DDAH1: variants seen among roughly 807,000 people sequenced by gnomAD.
DDAH1 encodes dimethylarginine dimethylaminohydrolase 1.
Under a neutral mutation model 28.8 loss-of-function variants are expected in DDAH1, and 19 were observed. That is an observed-to-expected ratio of 0.66 (90% CI 0.46 to 0.97). The LOEUF (loss-of-function observed/expected upper bound fraction) is 0.97. Ranked by LOEUF, DDAH1 falls within the 50% of genes least tolerant of loss-of-function variation. DDAH1 has a pLI of 0.00. For synonymous variants in DDAH1, 153 were observed against 154.4 expected (o/e 0.99, Z 0.07); for missense variants, 326 against 375.9 (o/e 0.87, Z 1.10).
At chr1:85,484,953 C>T (rs932995142) in intron 2 of DDAH1, among the ~76,000 whole-genome samples, 6 of 152,194 alleles carry the variant, frequency 3.9e-5, no homozygotes, top group African/African-American at 1.4e-4. Context: ...ATTTCATCAA[C>T]TGCTTTCACA....
intron 1 of DDAH1, among the ~76,000 whole-genome samples, chr1:85,528,200 A>G (rs1256266351): frequency 6.7e-6 from 1 of 150,294 alleles, no homozygotes; most frequent in East Asian, 2.0e-4. Context: ...ATATGTGTAT[A>G]TGCATGTATA....
At chr1:85,362,407 A>C (rs7520993) in intron 1 of DDAH1, among the ~76,000 whole-genome samples, 19,459 of 152,110 alleles carry the variant, frequency 0.13, 1,328 homozygotes, top group East Asian at 0.24. Context: ...TAAGGGACCC[A>C]ATCAGTCTAA....
rs747414243 is a variant in DDAH1, at chr1:85,530,898, G to A, written c.-122-34617C>T. Reference sequence around the variant, plus strand: ...CCCAGCTACTTGGGAGGCTGAGCCAGGAGAATCACTTGAACCTGGGAGGTG... The same window carrying A: ...CCCAGCTACTTGGGAGGCTGAGCCAAGAGAATCACTTGAACCTGGGAGGTG... On this transcript the variant is annotated intron_variant, in intron 1 of 6. Transcript: ENST00000426972. 1.3e-4 allele frequency among the ~76,000 whole-genome samples: 19 copies of A among 150,160 alleles called. No homozygotes were observed. The South Asian group carries it at 1.5e-3, about 12-fold the overall frequency.
chr1:85,340,121 C>G (rs1557484978), intron 4 of DDAH1, among the ~76,000 whole-genome samples: 1 of 152,160 alleles, frequency 6.6e-6, no homozygotes, highest in Non-Finnish European at 1.5e-5. Flanking sequence ...GGGTAAAGGA[C>G]AGAGACTCCA....
chr1:85,341,870 T>C (rs770366422), intron 4 of DDAH1, among the ~76,000 whole-genome samples: 21 of 152,072 alleles, frequency 1.4e-4, no homozygotes, highest in Non-Finnish European at 2.6e-4. Context: ...GTTCCATCAC[T>C]TACAGGCACT....
At chr1:85,577,052 C>T (rs1279223566) in intron 1 of DDAH1, among the ~76,000 whole-genome samples, 2 of 152,116 alleles carry the variant, frequency 1.3e-5, no homozygotes, top group Admixed American at 1.3e-4. Flanking sequence ...CTGGAAACGT[C>T]CTGCGCCGCG....
chr1:85,320,194 T>C lies in DDAH1; in HGVS notation c.*1258A>G, dbSNP rs1661265642. The C allele has an allele frequency of 1.3e-5, 2 of 152,646 alleles. No homozygotes were observed. The highest frequency in any genetic ancestry group is 6.5e-5 in the Admixed American group (1 of 15,284). 9.5% of individuals were successfully genotyped at this position (152,646 alleles called of 1,614,324 possible). A position where few individuals can be genotyped will look rare whatever the true frequency, so the allele number is the denominator to read the frequency against. On this transcript the variant is annotated 3_prime_UTR_variant, in exon 6 of 6. Transcript: ENST00000284031. ...GTGCCGCATTGTTCTTTGTAAGAGA[T>C]CCGTGTCAGTTCAAAGTTGTGTAAT... is the stretch of plus-strand genomic sequence containing the variant.
intron 1 of DDAH1, chr1:85,398,534 C>T (rs532688919): frequency 6.6e-6 from 1 of 152,318 alleles, no homozygotes; most frequent in African/African-American, 2.4e-5. Context: ...AGCAAAAATG[C>T]TAAGCTGGAC....
intron 1 of DDAH1, among the ~76,000 whole-genome samples, chr1:85,359,335 G>T (rs1649663430): frequency 1.3e-5 from 2 of 152,132 alleles, no homozygotes; most frequent in Admixed American, 6.5e-5. Context: ...ACTAGTTAGG[G>T]CACATGAGTA....
chr1:85,534,455 C>T (rs556027034), intron 1 of DDAH1, among the ~76,000 whole-genome samples: 5 of 151,914 alleles, frequency 3.3e-5, no homozygotes, highest in Non-Finnish European at 7.4e-5. Flanking sequence ...TATATATATA[C>T]ACACACATAC....
At chr1:85,436,999 T>TG in intron 1 of DDAH1, among the ~76,000 whole-genome samples, 1 of 152,272 alleles carries the variant, frequency 6.6e-6, no homozygotes, top group African/African-American at 2.4e-5. Context: ...CCCTTGAATA[T>TG]GGGCCAGTTT....
intron 2 of DDAH1, among the ~76,000 whole-genome samples, chr1:85,480,017 C>T (rs1557677082): frequency 3.3e-5 from 5 of 152,200 alleles, no homozygotes; most frequent in Admixed American, 1.3e-4. Flanking sequence ...ATAGGAACAA[C>T]TATGAGCAAT....
At chr1:85,539,381 A>T (rs1157456336) in intron 1 of DDAH1, among the ~76,000 whole-genome samples, 1 of 152,216 alleles carries the variant, frequency 6.6e-6, no homozygotes, top group South Asian at 2.1e-4. Flanking sequence ...TCCTGAGCTC[A>T]GGTGATCCGC....
intron 4 of DDAH1, among the ~76,000 whole-genome samples, chr1:85,343,911 T>TTAG (rs1482579908): frequency 6.6e-6 from 1 of 152,220 alleles, no homozygotes; most frequent in Non-Finnish European, 1.5e-5. Flanking sequence ...GTGATCTCTA[T>TTAG]TATATAGTTA....
chr1:85,327,472 G>A (rs1277354212), intron 4 of DDAH1, among the ~76,000 whole-genome samples: 1 of 152,318 alleles, frequency 6.6e-6, no homozygotes, highest in Admixed American at 6.5e-5. Flanking sequence ...CCCCTAGAGA[G>A]ATAATTGCTA....
rs78588026 is a variant in DDAH1 at position 85,333,495 on chromosome 1, T to C, written c.598-8612A>G. On this transcript the variant is annotated intron_variant, in intron 4 of 5. Transcript: ENST00000284031. The stretch of plus-strand genomic sequence containing the variant: ...CAGATTCCAATAAAAACTAAATTTA[T>C]GAAGTGCCTGAAAAAGAATTCAAAA... 2.7e-3 allele frequency among the ~76,000 whole-genome samples: 413 copies of C among 152,170 alleles called. 17 individuals are homozygous for C. The East Asian group carries it at 0.071, about 26-fold the overall frequency.
intron 1 of DDAH1, among the ~76,000 whole-genome samples, chr1:85,429,249 T>A (rs561422): frequency 0.77 from 116,085 of 150,964 alleles, 44,962 homozygotes; most frequent in Middle Eastern, 0.85. Flanking sequence ...CCCACTTATG[T>A]ATGAGAACAT....
intron 2 of DDAH1, among the ~76,000 whole-genome samples, chr1:85,487,598 G>A (rs566354307): frequency 6.7e-4 from 102 of 152,196 alleles, no homozygotes; most frequent in Non-Finnish European, 1.0e-4. Flanking sequence ...CTTTAAAAAA[G>A]TAAATTTTAT....
chr1:85,417,078 T>A (rs1475618181), intron 1 of DDAH1, among the ~76,000 whole-genome samples: 2 of 152,208 alleles, frequency 1.3e-5, no homozygotes, highest in African/African-American at 4.8e-5. Flanking sequence ...TAGAAAACCA[T>A]TTTTTGTGGA....
Sources: allele counts gnomAD v4.1 joint callset (sites outside exome capture counted in the v4.1 genomes callset), GRCh38; gene constraint gnomAD v4.1.1; transcripts MANE v1.5; gene names NCBI Gene and HGNC (gene_info 2026-07-23, HGNC 2026-07-21).